The following SH3BP4 variants were observed in gnomAD, a reference collection of about 807,000 sequenced individuals.
The protein encoded by SH3BP4 is SH3 domain binding protein 4, also known as SH3 domain-binding protein 4.
A neutral mutation model predicts 65.5 loss-of-function variants in SH3BP4; 33 were observed. The observed-to-expected ratio is 0.50, with a 90% confidence interval of 0.38 to 0.67. SH3BP4 has a LOEUF of 0.67. Ranked by LOEUF, SH3BP4 falls within the 30% of genes least tolerant of loss-of-function variation. The pLI is 0.00. For missense variants in SH3BP4, 1,134 were observed against 1,261.4 expected, an observed-to-expected ratio of 0.90 and a Z score of 1.53; for synonymous variants, 552 against 545.5, an observed-to-expected ratio of 1.01 and a Z score of -0.17.
rs1695163982 is a variant in SH3BP4 at position 235,030,888 on chromosome 2, C to G, written c.-132-3983C>G. On this transcript the variant is annotated intron_variant, in intron 2 of 5. Transcript: ENST00000392011. This position sits in a 1 kb window ranked among gnomAD's most constrained non-coding sequence, Gnocchi z 4.1. ...CTCAGTCCACACCAGGGCTGGCTGC[C>G]CTCTTTCTGTACTGTAAAAACGGCC... Among the ~76,000 whole-genome samples the G allele has an allele frequency of 6.6e-6, 1 of 152,144 alleles. No individual in the cohort carries two copies. The highest frequency in any genetic ancestry group is 1.5e-5 in the Non-Finnish European group (1 of 68,016).
intron 1 of SH3BP4, among the ~76,000 whole-genome samples, chr2:234,984,568 C>G (rs1189341653): frequency 6.6e-6 from 1 of 152,042 alleles, no homozygotes; most frequent in Non-Finnish European, 1.5e-5. Context: ...ATAAGTGTAT[C>G]TTATTAACAG....
chr2:234,959,771 C>T (rs1169903767), intron 1 of SH3BP4, among the ~76,000 whole-genome samples: 1 of 151,932 alleles, frequency 6.6e-6, no homozygotes, highest in Non-Finnish European at 1.5e-5. Context: ...CCTGCCTCAG[C>T]CCCCCAAGTA....
At chr2:234,989,816 G>T (rs748494973) in intron 1 of SH3BP4, among the ~76,000 whole-genome samples, 4 of 152,128 alleles carry the variant, frequency 2.6e-5, no homozygotes, top group Non-Finnish European at 5.9e-5. Context: ...ACAAAGATAG[G>T]TGGCCAGGTT....
At chr2:235,024,585 G>A (rs1694941013) in intron 2 of SH3BP4, among the ~76,000 whole-genome samples, 1 of 152,120 alleles carries the variant, frequency 6.6e-6, no homozygotes, top group Non-Finnish European at 1.5e-5. Flanking sequence ...AGCCTCTTCA[G>A]ATCCAGCATT....
At chr2:235,025,491 A>G (rs1034973835) in intron 2 of SH3BP4, among the ~76,000 whole-genome samples, 1 of 152,154 alleles carries the variant, frequency 6.6e-6, no homozygotes, top group Non-Finnish European at 1.5e-5. Flanking sequence ...GTGATGCTGA[A>G]TTAATGTCTG....
chr2:235,010,388 C>T (rs1480867873), intron 2 of SH3BP4, among the ~76,000 whole-genome samples: 3 of 152,204 alleles, frequency 2.0e-5, no homozygotes, highest in East Asian at 1.9e-4. Context: ...CAGAACTACT[C>T]GGTCCAGCTG....
chr2:234,971,649 G>A (rs985477805), intron 1 of SH3BP4, among the ~76,000 whole-genome samples: 3 of 152,140 alleles, frequency 2.0e-5, no homozygotes, highest in South Asian at 2.1e-4. Context: ...CCTCACCAGC[G>A]TTTGTTATTT....
intron 2 of SH3BP4, among the ~76,000 whole-genome samples, chr2:235,011,377 T>C (rs1258027380): frequency 6.6e-6 from 1 of 152,248 alleles, no homozygotes; most frequent in African/African-American, 2.4e-5. Flanking sequence ...TTCCCTCTTA[T>C]AAGGACACCA....
In SH3BP4 at chr2:235,035,122, T is replaced by C. The variant is rs1384537965; in HGVS notation, c.118+2T>C. On this transcript the variant is annotated splice_donor_variant, in intron 3 of 5. Coordinates refer to ENST00000392011, the MANE Select transcript of SH3BP4 (RefSeq NM_014521.3). LOFTEE classifies it high-confidence loss of function. The surrounding 1 kb of genome is among the most constrained non-coding windows in gnomAD (Gnocchi z 5.0). ...AGACGAGCTTTAATGACATCAAAGG[T>C]GAGCTTCTGGGGAACAGGACTGTGG... The C allele has an allele frequency of 6.2e-7, 1 of 1,605,986 alleles. No homozygotes were observed. The highest frequency in any genetic ancestry group is 1.7e-5 in the Admixed American group (1 of 59,990).
chr2:234,962,283 C>T (rs1692732176), intron 1 of SH3BP4, among the ~76,000 whole-genome samples: 1 of 151,878 alleles, frequency 6.6e-6, no homozygotes, highest in South Asian at 2.1e-4. Flanking sequence ...ATTAGAGGTG[C>T]ATGCCACCAC....
intron 1 of SH3BP4, among the ~76,000 whole-genome samples, chr2:234,984,364 G>C (rs1348912771): frequency 1.3e-5 from 2 of 151,848 alleles, no homozygotes; most frequent in African/African-American, 2.4e-5. Flanking sequence ...ACCATGCCTG[G>C]CTAATTTTTT....
chr2:235,021,229 C>A (rs910226388), intron 2 of SH3BP4, among the ~76,000 whole-genome samples: 3 of 152,154 alleles, frequency 2.0e-5, no homozygotes, highest in African/African-American at 7.2e-5. Flanking sequence ...GATGTCACTT[C>A]TTGTAAAGCA....
chr2:235,042,013 G>A lies in SH3BP4; in HGVS notation c.1244G>A (p.Cys415Tyr). 6.2e-7 allele frequency: 1 copy of A among 1,613,974 alleles called. No homozygotes were observed. Among genetic ancestry groups the A allele is most frequent in the Non-Finnish European group, 8.5e-7 (1 of 1,179,962 alleles). ...AGCAAAAGCACAGTGGGCCTCCAGT[G>A]CCTGAGGAGCGACTCGAAGGAAGGG... ...LFSKSTVGLQCLRSDSKEGPY... is the reference protein window; with the variant it reads ...LFSKSTVGLQYLRSDSKEGPY... Residue 415 changes from cysteine (C) to tyrosine (Y), a missense_variant, in exon 4 of 6, where the codon TGC becomes TAC. Transcript: ENST00000392011. This position sits in a 1 kb window ranked among gnomAD's most constrained non-coding sequence, Gnocchi z 7.3.
Position 235,041,336 on chromosome 2 carries a change from T to A in SH3BP4, c.567T>A (p.Thr189=), listed in dbSNP as rs376019710. ...TGGATGAGCTGAATCCCAAAAGTACTGTGGATTTGCTCCTTTTTGACGCAG... is the reference window on the plus strand; with the variant it reads ...TGGATGAGCTGAATCCCAAAAGTACAGTGGATTTGCTCCTTTTTGACGCAG... ...PSLDELNPKS[T]VDLLLFDAGT... is the part of the protein sequence containing the mutation. The change falls in exon 4 of 6, where the codon ACT becomes ACA. Residue 189 remains threonine, a synonymous_variant. Transcript: ENST00000392011. The surrounding 1 kb of genome is among the most constrained non-coding windows in gnomAD (Gnocchi z 6.0). The A allele has an allele frequency of 1.3e-5, 21 of 1,614,096 alleles. No homozygotes were observed. In the African/African-American group the frequency reaches 2.5e-4, roughly 19 times the overall value.
intron 2 of SH3BP4, among the ~76,000 whole-genome samples, chr2:235,003,823 C>T (rs1694207728): frequency 6.6e-6 from 1 of 152,194 alleles, no homozygotes; most frequent in Non-Finnish European, 1.5e-5. Context: ...CAGGGATGGC[C>T]CCACCCCTGT....
chr2:234,986,814 T>A (rs574335185), intron 1 of SH3BP4, among the ~76,000 whole-genome samples: 81 of 148,742 alleles, frequency 5.4e-4, no homozygotes, highest in African/African-American at 1.0e-3. Context: ...ATTTTATTTT[T>A]TTTTTTTTTG....
At chr2:234,986,138 C>CTCTGA (rs1318105081) in intron 1 of SH3BP4, among the ~76,000 whole-genome samples, 1 of 152,062 alleles carries the variant, frequency 6.6e-6, no homozygotes, top group African/African-American at 2.4e-5. Flanking sequence ...GTGAACCAGC[C>CTCTGA]CTCCACTCAC....
chr2:234,983,601 A>C (rs1693457549), intron 1 of SH3BP4, among the ~76,000 whole-genome samples: 1 of 152,194 alleles, frequency 6.6e-6, no homozygotes. Context: ...ATTTGGCAAA[A>C]GGGACTTTGC....
intron 1 of SH3BP4, among the ~76,000 whole-genome samples, chr2:234,973,261 C>T (rs981846715): frequency 7.2e-5 from 11 of 152,258 alleles, no homozygotes; most frequent in African/African-American, 2.4e-4. Flanking sequence ...GTGAGCCATC[C>T]CTGGTGGGAG....
Sources: allele counts gnomAD v4.1 joint callset (sites outside exome capture counted in the v4.1 genomes callset), GRCh38; gene constraint gnomAD v4.1.1; non-coding constraint Gnocchi (gnomAD v3.1); transcripts MANE v1.5; gene names NCBI Gene and HGNC (gene_info 2026-07-23, HGNC 2026-07-21).